The following TRDN variants were observed in gnomAD, a reference collection of about 807,000 sequenced individuals.
The protein encoded by TRDN is triadin in skeletal muscle.
Under a neutral mutation model 149.7 loss-of-function variants are expected in TRDN, and 161 were observed. The observed-to-expected ratio is 1.08, with a 90% CI of 0.95 to 1.23. TRDN has a LOEUF of 1.23. TRDN is among the 50% of genes most tolerant of loss of function. The pLI is 0.00. For missense variants in TRDN, 896 were observed against 823.5 expected, an observed-to-expected ratio of 1.09 and a Z score of -1.08; for synonymous variants, 294 against 250.5, an observed-to-expected ratio of 1.17 and a Z score of -1.64.
intron 24 of TRDN, among the ~76,000 whole-genome samples, chr6:123,297,214 TATTC>T (rs1778235777): frequency 6.6e-6 from 1 of 152,086 alleles, no homozygotes; most frequent in Non-Finnish European, 1.5e-5. Context: ...TTTTAGTTGT[TATTC>T]AAGCATCTTA....
At chr6:123,489,895 A>G (rs1778137745) in intron 9 of TRDN, among the ~76,000 whole-genome samples, 1 of 151,684 alleles carries the variant, frequency 6.6e-6, no homozygotes, top group African/African-American at 2.4e-5. Flanking sequence ...TTTTTTTGAG[A>G]CACCATTTTT....
intron 10 of TRDN, among the ~76,000 whole-genome samples, chr6:123,448,467 C>G: frequency 6.6e-6 from 1 of 152,022 alleles, no homozygotes; most frequent in East Asian, 1.9e-4. Flanking sequence ...GCTGGCTTTC[C>G]CCGACTTCCC....
chr6:123,509,541 T>C (rs954354232), intron 7 of TRDN: 1 of 152,198 alleles, frequency 6.6e-6, no homozygotes, highest in Non-Finnish European at 1.5e-5. Context: ...GATTGGCTAG[T>C]AGTCCTTGAG....
chr6:123,574,220 T>G (rs564972442), intron 1 of TRDN, among the ~76,000 whole-genome samples: 1 of 152,000 alleles, frequency 6.6e-6, no homozygotes, highest in East Asian at 1.9e-4. Flanking sequence ...AGGTAGAAAT[T>G]AACAATAGTG....
intron 22 of TRDN, among the ~76,000 whole-genome samples, chr6:123,335,248 T>A (rs1354817659): frequency 6.6e-6 from 1 of 151,806 alleles, no homozygotes; most frequent in African/African-American, 2.4e-5. Context: ...CAGTTTGAAT[T>A]AAAAAGTAGA....
At chr6:123,541,545 C>A (rs1215545204) in intron 4 of TRDN, among the ~76,000 whole-genome samples, 1 of 152,120 alleles carries the variant, frequency 6.6e-6, no homozygotes, top group African/African-American at 2.4e-5. Flanking sequence ...CCCCCTCTCA[C>A]CCCCATCACA....
chr6:123,587,438 G>C (rs561426505), intron 1 of TRDN, among the ~76,000 whole-genome samples: 2 of 152,318 alleles, frequency 1.3e-5, no homozygotes, highest in African/African-American at 4.8e-5. Flanking sequence ...TTGGAGAAGA[G>C]AGTAAGAAGA....
chr6:123,572,469 A>G (rs916959759), intron 1 of TRDN, among the ~76,000 whole-genome samples: 12 of 146,610 alleles, frequency 8.2e-5, no homozygotes, highest in East Asian at 2.2e-4. Context: ...TGGAGAGAAA[A>G]CATGTCTCAT....
At chr6:123,536,021 T>TA (rs1780510820) in intron 4 of TRDN, among the ~76,000 whole-genome samples, 1 of 152,142 alleles carries the variant, frequency 6.6e-6, no homozygotes, top group Non-Finnish European at 1.5e-5. Flanking sequence ...TTTCCATACT[T>TA]ACTAGCTGTG....
chr6:123,337,507 T>C (rs1230735002), intron 22 of TRDN, 112 bp downstream of exon 22: 2 of 370,198 alleles, frequency 5.4e-6, no homozygotes, highest in Non-Finnish European at 9.5e-6. Flanking sequence ...GTGTGTGACC[T>C]CTGCAGTTCT....
At chr6:123,588,101 G>A (rs6903080) in intron 1 of TRDN, among the ~76,000 whole-genome samples, 3 of 151,836 alleles carry the variant, frequency 2.0e-5, no homozygotes, top group Non-Finnish European at 2.9e-5. Context: ...GACCCCAAAA[G>A]GTGCTAGACT....
intron 38 of TRDN, among the ~76,000 whole-genome samples, chr6:123,225,547 C>A (rs986280341): frequency 1.6e-4 from 23 of 142,576 alleles, no homozygotes; most frequent in Non-Finnish European, 3.5e-4. Context: ...CACACACATA[C>A]ACACACACAG....
intron 10 of TRDN, among the ~76,000 whole-genome samples, chr6:123,444,518 C>T (rs1467413546): frequency 6.6e-6 from 1 of 150,702 alleles, no homozygotes; most frequent in Non-Finnish European, 1.5e-5. Context: ...TTATTTCCTT[C>T]TCCTGCCTAA....
chr6:123,290,440 A>C (rs542380249), intron 24 of TRDN, among the ~76,000 whole-genome samples: 80 of 152,270 alleles, frequency 5.3e-4, no homozygotes, highest in Non-Finnish European at 8.5e-4. Flanking sequence ...GTTTGAAGAG[A>C]ATATTATGTC....
At chr6:123,608,202 T>C (rs1024075623) in intron 1 of TRDN, among the ~76,000 whole-genome samples, 1 of 152,082 alleles carries the variant, frequency 6.6e-6, no homozygotes, top group African/African-American at 2.4e-5. Context: ...TCTTACTAAC[T>C]GATTGATTGG....
chr6:123,599,218 C>A (rs1322742097), intron 1 of TRDN, among the ~76,000 whole-genome samples: 1 of 152,038 alleles, frequency 6.6e-6, no homozygotes, highest in Admixed American at 6.6e-5. Flanking sequence ...TCAGCTCTAT[C>A]CATTTATTCT....
At chr6:123,516,471 C>T (rs953338925) in intron 5 of TRDN, among the ~76,000 whole-genome samples, 10 of 151,944 alleles carry the variant, frequency 6.6e-5, no homozygotes, top group Non-Finnish European at 1.3e-4. Context: ...TCAGCTTTTC[C>T]AAATCTTTAA....
At chr6:123,395,925 T>A (rs1234484740) in intron 12 of TRDN, among the ~76,000 whole-genome samples, 1 of 152,108 alleles carries the variant, frequency 6.6e-6, no homozygotes, top group East Asian at 1.9e-4. Context: ...ATGATCTACA[T>A]CTCAATAGAA....
Position 123,255,905 on chromosome 6 carries a change from G to A in TRDN, c.1871-3C>T. ...AAGATGCTTCATGTCTGCTTTTTCT[G>A]TATAGAAGAAACAGTAACAGGGTAA... On this transcript the variant is annotated splice_polypyrimidine_tract_variant and splice_region_variant and intron_variant, in intron 35 of 40. Transcript: ENST00000334268. 1 of 1,286,826 alleles carries A rather than the reference G, an allele frequency of 7.8e-7. No homozygotes were observed. Among genetic ancestry groups the A allele is most frequent in the Non-Finnish European group, 1.0e-6 (1 of 996,484 alleles). 79.7% of individuals were successfully genotyped at this position (1,286,826 alleles called of 1,614,324 possible).
Sources: gnomAD v4.1 joint callset for allele counts (sites outside exome capture counted in the v4.1 genomes callset) on GRCh38, gnomAD v4.1.1 for gene constraint, MANE v1.5 for transcripts, NCBI Gene and HGNC (gene_info 2026-07-23, HGNC 2026-07-21) for gene names.